Variants in PPP1R9A observed in about 807,000 individuals in gnomAD.
The protein encoded by PPP1R9A is neurabin-1.
In PPP1R9A, 59 loss-of-function variants were observed where a neutral mutation model predicts 141.9. The ratio of observed to expected loss-of-function variants is 0.42; its 90% CI spans 0.34 to 0.52. The LOEUF (loss-of-function observed/expected upper bound fraction) is 0.52. Among genes scored for constraint, PPP1R9A ranks in the 20% least tolerant of loss-of-function variants. PPP1R9A has a pLI of 0.10. For synonymous variants in PPP1R9A, 500 were observed against 569.7 expected, an observed-to-expected ratio of 0.88 and a Z score of 1.74; for missense variants, 1,444 against 1,611.9, an observed-to-expected ratio of 0.90 and a Z score of 1.78.
chr7:95,078,313 T>C (rs1004541881), intron 2 of PPP1R9A, among the ~76,000 whole-genome samples: 8 of 151,908 alleles, frequency 5.3e-5, no homozygotes, highest in African/African-American at 1.9e-4. Context: ...CATGAACTCA[T>C]CATTTTTTAT....
intron 18 of PPP1R9A, among the ~76,000 whole-genome samples, chr7:95,287,876 G>A (rs1183605713): frequency 6.6e-6 from 1 of 151,992 alleles, no homozygotes; most frequent in African/African-American, 2.4e-5. Context: ...TTAGTAGAGA[G>A]GGGATTTCAA....
At chr7:95,119,475 G>C (rs1376161951) in intron 3 of PPP1R9A, among the ~76,000 whole-genome samples, 1 of 151,906 alleles carries the variant, frequency 6.6e-6, no homozygotes, top group African/African-American at 2.4e-5. Context: ...CTTTTTTTTA[G>C]ACAGGGTCTC....
intron 5 of PPP1R9A, among the ~76,000 whole-genome samples, chr7:95,184,963 T>G (rs1017946592): frequency 6.6e-6 from 1 of 152,094 alleles, no homozygotes; most frequent in Non-Finnish European, 1.5e-5. Context: ...ATAATGACTT[T>G]CTTTTGTCTG....
intron 2 of PPP1R9A, among the ~76,000 whole-genome samples, chr7:95,085,716 A>G (rs1425431270): frequency 6.6e-6 from 1 of 151,994 alleles, no homozygotes; most frequent in African/African-American, 2.4e-5. Context: ...CACCCAGCCC[A>G]AAAATACATT....
intron 6 of PPP1R9A, among the ~76,000 whole-genome samples, chr7:95,199,956 T>C (rs1271559165): frequency 2.0e-5 from 3 of 152,006 alleles, no homozygotes; most frequent in Non-Finnish European, 4.4e-5. Context: ...ATTTTTGGTC[T>C]TAGGTTCAGG....
chr7:94,953,943 C>T (rs371790190), intron 2 of PPP1R9A, among the ~76,000 whole-genome samples: 78 of 152,116 alleles, frequency 5.1e-4, no homozygotes, highest in Middle Eastern at 6.8e-3. Flanking sequence ...TATTTGAAGA[C>T]CCTTTATTTC....
At chr7:95,162,228 C>A (rs1022249970) in intron 5 of PPP1R9A, among the ~76,000 whole-genome samples, 7 of 151,922 alleles carry the variant, frequency 4.6e-5, no homozygotes, top group African/African-American at 1.7e-4. Flanking sequence ...CTATGGTTTC[C>A]AGGAAGATAT....
chr7:95,067,617 T>C (rs967539813), intron 2 of PPP1R9A, among the ~76,000 whole-genome samples: 1 of 152,196 alleles, frequency 6.6e-6, no homozygotes, highest in South Asian at 2.1e-4. Context: ...AATAACACAG[T>C]CATCCCTCAG....
intron 2 of PPP1R9A, 133 bp downstream of exon 2, chr7:94,911,641 C>A: frequency 1.5e-6 from 1 of 667,128 alleles, no homozygotes. Flanking sequence ...TTAAAATCAC[C>A]TGTTGTCAGG....
intron 9 of PPP1R9A, among the ~76,000 whole-genome samples, chr7:95,248,724 T>C (rs1183559010): frequency 6.6e-6 from 1 of 152,192 alleles, no homozygotes; most frequent in Non-Finnish European, 1.5e-5. Flanking sequence ...TAGCATTTTA[T>C]ATTTTTTCAT....
At chr7:95,001,461 AT>A (rs1802915759) in intron 2 of PPP1R9A, among the ~76,000 whole-genome samples, 1 of 152,212 alleles carries the variant, frequency 6.6e-6, no homozygotes, top group Non-Finnish European at 1.5e-5. Context: ...TTAAATCTTT[AT>A]GGTAAATGAG....
chr7:95,196,673 A>G (rs936239612), intron 5 of PPP1R9A, among the ~76,000 whole-genome samples: 1 of 152,160 alleles, frequency 6.6e-6, no homozygotes, highest in African/African-American at 2.4e-5. Flanking sequence ...AAACCTCCAA[A>G]TCATTGTGGT....
At chr7:95,029,006 A>G (rs552016589) in intron 2 of PPP1R9A, among the ~76,000 whole-genome samples, 17 of 152,292 alleles carry the variant, frequency 1.1e-4, no homozygotes, top group Middle Eastern at 3.4e-3. Flanking sequence ...AGGAAAATAG[A>G]ACTCCTGTTT....
chr7:95,269,696 A>G (rs1384666602), intron 14 of PPP1R9A, among the ~76,000 whole-genome samples, 189 bp downstream of exon 14: 1 of 152,100 alleles, frequency 6.6e-6, no homozygotes, highest in African/African-American at 2.4e-5. Context: ...ATCTTTTCCT[A>G]TCTGGTTCAG....
At position 95,290,299 on chromosome 7, in the gene PPP1R9A, A is replaced by G. The variant is rs1460537106; in HGVS notation, c.4121A>G (p.Gln1374Arg). 20 of 1,608,230 alleles carry G rather than the reference A, an allele frequency of 1.2e-5. No homozygotes were observed. The highest frequency in any genetic ancestry group is 1.7e-5 in the Non-Finnish European group (20 of 1,177,186). ...TSTTAEGAGE[Q>R] Reference sequence around the variant, plus strand: ...ACTACAGCCGAGGGTGCTGGTGAGCAGTAACACATACCCTCTTACAGATGA... The same window carrying G: ...ACTACAGCCGAGGGTGCTGGTGAGCGGTAACACATACCCTCTTACAGATGA... The change falls in exon 20 of 20, where the codon CAG (glutamine) becomes CGG (arginine). Residue 1374 changes from glutamine to arginine, a missense_variant. This residue lies in a region of PPP1R9A where 459 missense variants were observed against 513.8 expected (regional missense o/e 0.89). Coordinates refer to ENST00000433360, the MANE Select transcript of PPP1R9A (RefSeq NM_001166160.2).
intron 2 of PPP1R9A, among the ~76,000 whole-genome samples, chr7:95,054,701 C>A (rs916667171): frequency 3.9e-5 from 6 of 152,106 alleles, no homozygotes; most frequent in Admixed American, 3.9e-4. Context: ...ACCTTTTTCT[C>A]TTTCTTGACT....
intron 7 of PPP1R9A, among the ~76,000 whole-genome samples, chr7:95,223,497 A>C (rs1794729009): frequency 6.6e-6 from 1 of 152,006 alleles, no homozygotes; most frequent in South Asian, 2.1e-4. Context: ...TCTATTACCA[A>C]GTTAATGCGT....
intron 8 of PPP1R9A, among the ~76,000 whole-genome samples, chr7:95,233,289 T>C (rs1796228621): frequency 6.6e-6 from 1 of 151,582 alleles, no homozygotes; most frequent in African/African-American, 2.4e-5. Context: ...AAACACCACA[T>C]GTTCTCACTC....
intron 2 of PPP1R9A, among the ~76,000 whole-genome samples, chr7:95,070,568 A>G (rs1205119175): frequency 3.4e-5 from 4 of 116,842 alleles, no homozygotes; most frequent in Non-Finnish European, 7.5e-5. Flanking sequence ...TAAAATTTAA[A>G]TTTCAATTAT....
Sources: allele counts gnomAD v4.1 joint callset (sites outside exome capture counted in the v4.1 genomes callset), GRCh38; gene constraint gnomAD v4.1.1; regional missense constraint gnomAD v4.1.1; transcripts MANE v1.5; gene names NCBI Gene and HGNC (gene_info 2026-07-23, HGNC 2026-07-21).